ACSS3: variants seen among roughly 807,000 people sequenced by gnomAD.
The protein encoded by ACSS3 is acyl-CoA synthetase short-chain family member 3, mitochondrial.
Under a neutral mutation model 84.2 loss-of-function variants are expected in ACSS3, and 64 were observed. That is an observed-to-expected ratio of 0.76 (90% confidence interval 0.62 to 0.94). The LOEUF (loss-of-function observed/expected upper bound fraction) is 0.94. Ranked by LOEUF, ACSS3 falls within the 40% of genes least tolerant of loss-of-function variation. ACSS3 has a pLI of 0.00. For missense variants in ACSS3, 815 were observed against 867.6 expected (o/e 0.94, Z 0.76); for synonymous variants, 317 against 310.1 (o/e 1.02, Z -0.23).
In ACSS3 at chr12:81,078,089, G is replaced by T. The variant is rs760638400; in HGVS notation, c.-32G>T. 2.1e-5 allele frequency: 30 copies of T among 1,448,464 alleles called. No individual in the cohort carries two copies. The African/African-American group carries it at 3.9e-4, about 19-fold the overall frequency. 89.7% of individuals were successfully genotyped at this position (1,448,464 alleles called of 1,614,324 possible). ...GGAAGTTGCAAGAGTACCATTTGTC[G>T]CACACTCGGGGACCGCGGGTGGCCG... On this transcript the variant is annotated 5_prime_UTR_variant, in exon 1 of 16. Transcript: ENST00000548058.
At chr12:81,113,555 C>CTT (rs1297241957) in intron 2 of ACSS3, among the ~76,000 whole-genome samples, 1 of 152,050 alleles carries the variant, frequency 6.6e-6, no homozygotes, top group Non-Finnish European at 1.5e-5. Context: ...AAGGCAGTGA[C>CTT]TTTGTATTTG....
intron 12 of ACSS3, among the ~76,000 whole-genome samples, chr12:81,231,595 A>C (rs2033467586): frequency 6.6e-6 from 1 of 151,676 alleles, no homozygotes; most frequent in African/African-American, 2.4e-5. Flanking sequence ...CCACTTCTTT[A>C]TTTTTGACAC....
At chr12:81,213,711 C>T (rs1469418681) in intron 9 of ACSS3, among the ~76,000 whole-genome samples, 2 of 76,038 alleles carry the variant, frequency 2.6e-5, no homozygotes, top group Admixed American at 1.3e-4. Context: ...CTCTCCCCTC[C>T]GCTCCCCTCC....
rs145641313 is a variant in ACSS3, at chr12:81,233,436, G to T, written c.1684G>T (p.Ala562Ser). ...TCGAGTGGATGATGTAATAAATGTT[G>T]CAGGTCACAGAATTTCTGCAGGCGC... is the stretch of plus-strand genomic sequence containing the variant. ...MSRVDDVINV[A>S]GHRISAGAIE... Residue 562 changes from alanine to serine, a missense_variant, in exon 13 of 16, where the codon GCA becomes TCA. Transcript: ENST00000548058. 6.6e-5 allele frequency: 107 copies of T among 1,610,978 alleles called. No individual in the cohort carries two copies. The African/African-American group carries it at 8.7e-4, about 13-fold the overall frequency.
intron 11 of ACSS3, among the ~76,000 whole-genome samples, chr12:81,230,732 C>A (rs996425580): frequency 6.6e-6 from 1 of 151,820 alleles, no homozygotes; most frequent in Non-Finnish European, 1.5e-5. Flanking sequence ...GAAAGTAATT[C>A]AATGACACGT....
Position 81,261,196 on chromosome 12 carries a change from G to T in ACSS3, c.*6274G>T, listed in dbSNP as rs1296706653. The T allele has an allele frequency of 6.6e-6, 1 of 152,058 alleles. No homozygotes were observed. Among genetic ancestry groups the T allele is most frequent in the Non-Finnish European group, 1.5e-5 (1 of 67,994 alleles). The allele number at this position is 152,058 out of a possible 1,614,324, so 9.4% of individuals were successfully genotyped here. A position where few individuals can be genotyped will look rare whatever the true frequency, so the allele number is the denominator to read the frequency against. ...ATAAGAAACAATGTAATAAAGGTTT[G>T]AATTTTTCACAGTTTCTACTATTTA... On this transcript the variant is annotated 3_prime_UTR_variant, in exon 16 of 16. Transcript: ENST00000548058.
intron 1 of ACSS3, among the ~76,000 whole-genome samples, chr12:81,100,621 T>C (rs1302675463): frequency 6.6e-6 from 1 of 152,222 alleles, no homozygotes; most frequent in African/African-American, 2.4e-5. Context: ...CAGAATAGCC[T>C]AGGCTATGCT....
At chr12:81,134,136 T>C (rs1294813447) in intron 2 of ACSS3, among the ~76,000 whole-genome samples, 1 of 151,714 alleles carries the variant, frequency 6.6e-6, no homozygotes, top group Non-Finnish European at 1.5e-5. Flanking sequence ...TGTATAATAA[T>C]TAGTGTAAAA....
At position 81,260,897 on chromosome 12, in the gene ACSS3, TG is replaced by T. The variant is rs1593282815; in HGVS notation, c.*5976del. The T allele has an allele frequency of 6.6e-6, 1 of 152,330 alleles. No individual in the cohort carries two copies. The highest frequency in any genetic ancestry group is 2.1e-4 in the South Asian group (1 of 4,832). The allele number at this position is 152,330 out of a possible 1,614,324, so 9.4% of individuals were successfully genotyped here. ...ATTTTGGTAAAGCATAGTTTTAGGT[TG>T]AAAAAAAATTATGAACATTTGACAT... On this transcript the variant is annotated 3_prime_UTR_variant, in exon 16 of 16. Coordinates refer to ENST00000548058, the MANE Select transcript of ACSS3 (RefSeq NM_024560.4).
chr12:81,236,046 AT>A (rs912147823), intron 13 of ACSS3, among the ~76,000 whole-genome samples: 1 of 151,434 alleles, frequency 6.6e-6, no homozygotes, highest in African/African-American at 2.4e-5. Flanking sequence ...CCTTGTCTTG[AT>A]CCTGATCTTA....
chr12:81,200,954 T>C (rs2032078616), intron 9 of ACSS3, among the ~76,000 whole-genome samples: 1 of 149,444 alleles, frequency 6.7e-6, no homozygotes, highest in Non-Finnish European at 1.5e-5. Flanking sequence ...TCCTTTGTAA[T>C]ATGAAATATA....
intron 7 of ACSS3, among the ~76,000 whole-genome samples, chr12:81,153,802 A>G (rs1359076141): frequency 6.6e-6 from 1 of 152,218 alleles, no homozygotes; most frequent in Non-Finnish European, 1.5e-5. Flanking sequence ...TCTTTCTGGA[A>G]TACTCCAGGC....
chr12:81,225,624 G>A (rs1237065380), intron 11 of ACSS3, among the ~76,000 whole-genome samples: 1 of 151,912 alleles, frequency 6.6e-6, no homozygotes, highest in Non-Finnish European at 1.5e-5. Context: ...TGCATTTGAT[G>A]TCATTTCATT....
rs866505241 is a variant in ACSS3, at chr12:81,243,307, G to A, written c.1719+9836G>A. Among the ~76,000 whole-genome samples, 217 of 152,254 alleles carry A rather than the reference G, an allele frequency of 1.4e-3. 1 individual carries two copies. Among genetic ancestry groups the A allele is most frequent in the South Asian group, 4.8e-3 (23 of 4,822 alleles). ...CCTAAGAATCCAGCTTACAACGGACGTGAAGGACCTCTTCAAGGAGAACTA... is the reference window on the plus strand; with the variant it reads ...CCTAAGAATCCAGCTTACAACGGACATGAAGGACCTCTTCAAGGAGAACTA... On this transcript the variant is annotated intron_variant, in intron 13 of 15. Transcript: ENST00000548058.
chr12:81,104,498 CT>C (rs1164273677), intron 1 of ACSS3, among the ~76,000 whole-genome samples: 2 of 152,080 alleles, frequency 1.3e-5, no homozygotes, highest in Non-Finnish European at 2.9e-5. Context: ...ACATTGCCTC[CT>C]CCCTTGGTGG....
At chr12:81,220,125 A>T in intron 11 of ACSS3, 49 bp downstream of exon 11, 1 of 1,212,574 alleles carries the variant, frequency 8.2e-7, no homozygotes. Flanking sequence ...AAACTGGTGT[A>T]TATACTAAGA....
intron 2 of ACSS3, among the ~76,000 whole-genome samples, chr12:81,130,397 T>C (rs1184443446): frequency 6.6e-6 from 1 of 152,238 alleles, no homozygotes; most frequent in Non-Finnish European, 1.5e-5. Flanking sequence ...CATTTTTTCA[T>C]GTGTCAGTTG....
chr12:81,166,573 G>A (rs1887413653), intron 7 of ACSS3, among the ~76,000 whole-genome samples: 2 of 152,122 alleles, frequency 1.3e-5, no homozygotes, highest in Admixed American at 1.3e-4. Flanking sequence ...ACTAAAGAAG[G>A]GTGACGAGAA....
chr12:81,151,877 A>G lies in ACSS3; in HGVS notation c.955A>G (p.Met319Val), dbSNP rs760633714. The G allele has an allele frequency of 6.2e-7, 1 of 1,613,806 alleles. No homozygotes were observed. The highest frequency in any genetic ancestry group is 8.5e-7 in the Non-Finnish European group (1 of 1,179,886). ...TAGGCCCACTGGGGGATACGCTGTC[A>G]TGCTACACTGGTCAATGTCTTCCAT... Reference protein sequence around the residue: ...VIRPTGGYAVMLHWSMSSIYG... With the variant: ...VIRPTGGYAVVLHWSMSSIYG... The change falls in exon 6 of 16, where the codon ATG (methionine) becomes GTG (valine). Residue 319 changes from methionine to valine, a missense_variant. Physicochemically the swap from Met to Val is conservative, Grantham distance 21. Coordinates refer to ENST00000548058, the MANE Select transcript of ACSS3 (RefSeq NM_024560.4).
Sources: gnomAD v4.1 joint callset for allele counts (sites outside exome capture counted in the v4.1 genomes callset) on GRCh38, gnomAD v4.1.1 for gene constraint, MANE v1.5 for transcripts, NCBI Gene and HGNC (gene_info 2026-07-23, HGNC 2026-07-21) for gene names.